PIR: variants seen among roughly 807,000 people sequenced by gnomAD.
PIR encodes the protein pirin, also known as pirin (iron-binding nuclear protein).
A neutral mutation model predicts 24.2 loss-of-function variants in PIR; 22 were observed. The ratio of observed to expected loss-of-function variants is 0.91; its 90% CI spans 0.65 to 1.30. PIR has a LOEUF of 1.30. PIR is among the 50% of genes most tolerant of loss of function. PIR has a pLI of 0.00. For missense variants in PIR, 220 were observed against 220.3 expected (o/e 1.00, Z 0.01); for synonymous variants, 80 against 79.6 (o/e 1.00, Z -0.03).
At chrX:15,460,617 C>T (rs764730708) in intron 3 of PIR, among the ~76,000 whole-genome samples, 1 of 111,219 alleles carries the variant, frequency 9.0e-6, no homozygotes, top group Non-Finnish European at 1.9e-5. Flanking sequence ...TGAATATGTT[C>T]TGAAGACCTA....
intron 5 of PIR, among the ~76,000 whole-genome samples, chrX:15,438,315 G>C (rs1258333707): frequency 8.9e-6 from 1 of 112,243 alleles, no homozygotes; most frequent in Non-Finnish European, 1.9e-5. Flanking sequence ...TTTTCCTTTT[G>C]AACGCTTCAA....
intron 5 of PIR, among the ~76,000 whole-genome samples, chrX:15,440,913 A>C (rs185514535): frequency 2.5e-3 from 278 of 111,921 alleles, no homozygotes; most frequent in African/African-American, 7.7e-3. Flanking sequence ...GAACTGAGCA[A>C]GTACATCAAT....
intron 9 of PIR, among the ~76,000 whole-genome samples, chrX:15,385,384 G>C (rs1220843046): frequency 9.0e-6 from 1 of 111,727 alleles, no homozygotes; most frequent in African/African-American, 3.3e-5. Context: ...CACCAGCAAT[G>C]GTGATCTTTT....
At position 15,421,900 on chromosome X, in the gene PIR, T is replaced by C. The variant is rs753523539; in HGVS notation, c.565+4006A>G. ...ATAGATGCAAAAACTCTCAACAAAA[T>C]ACTAGCAAACTGAATTCAACAGCAC... On this transcript the variant is annotated intron_variant, in intron 6 of 9. Transcript: ENST00000380420. 6.3e-5 allele frequency among the ~76,000 whole-genome samples: 7 copies of C among 111,352 alleles called. No individual in the cohort carries two copies. In the East Asian group the frequency reaches 1.7e-3, roughly 27 times the overall value.
intron 5 of PIR, among the ~76,000 whole-genome samples, chrX:15,427,098 G>C (rs763996493): frequency 8.9e-6 from 1 of 111,948 alleles, no homozygotes; most frequent in Admixed American, 9.5e-5. Context: ...ATAATATTGA[G>C]CAAATGAAGA....
At chrX:15,458,309 C>T (rs1921162509) in intron 4 of PIR, among the ~76,000 whole-genome samples, 1 of 111,430 alleles carries the variant, frequency 9.0e-6, no homozygotes, top group African/African-American at 3.3e-5. Context: ...CTTTAAATCC[C>T]CATTTCCTCA....
At chrX:15,416,417 C>A (rs754639045) in intron 6 of PIR, among the ~76,000 whole-genome samples, 18 of 111,746 alleles carry the variant, frequency 1.6e-4, no homozygotes, top group Non-Finnish European at 3.0e-4. Context: ...TGGAAAAAAT[C>A]ACTACGCATT....
In PIR at chrX:15,397,009, C is replaced by T. The variant is rs146565466; in HGVS notation, c.693+440G>A. 7.4e-3 allele frequency among the ~76,000 whole-genome samples: 828 copies of T among 112,143 alleles called. 9 individuals carry two copies. The highest frequency in any genetic ancestry group is 0.025 in the African/African-American group (758 of 30,891). On this transcript the variant is annotated intron_variant, in intron 8 of 9. Coordinates refer to ENST00000380420, the MANE Select transcript of PIR (RefSeq NM_001018109.3). ...CCCGCCTCGGCCTCCCAAAGTGCTG[C>T]GATTACAGGCGTGAGCCACCACGCC... is the stretch of plus-strand genomic sequence containing the variant.
intron 5 of PIR, among the ~76,000 whole-genome samples, chrX:15,448,148 T>C (rs774180137): frequency 8.9e-6 from 1 of 112,387 alleles, no homozygotes; most frequent in East Asian, 2.8e-4. Flanking sequence ...GTGAGTGGGC[T>C]GCCCTGGGCA....
intron 6 of PIR, among the ~76,000 whole-genome samples, chrX:15,416,490 C>T (rs781545788): frequency 9.0e-6 from 1 of 111,689 alleles, no homozygotes; most frequent in South Asian, 3.8e-4. Flanking sequence ...AAAATCACTA[C>T]TTGTTTTCGA....
At chrX:15,487,282 T>C (rs1922886854) in intron 2 of PIR, among the ~76,000 whole-genome samples, 1 of 111,778 alleles carries the variant, frequency 8.9e-6, no homozygotes, top group Admixed American at 9.5e-5. Context: ...TCAAGGCTAT[T>C]TGATGATATT....
intron 5 of PIR, among the ~76,000 whole-genome samples, chrX:15,438,664 G>C (rs1925822170): frequency 9.0e-6 from 1 of 111,597 alleles, no homozygotes. Flanking sequence ...AGACCTGTAG[G>C]TGCCATCATT....
rs374721931 is a variant in PIR at position 15,461,118 on chromosome X, G to A, written c.190-1378C>T. Among the ~76,000 whole-genome samples the A allele has an allele frequency of 3.5e-4, 39 of 111,722 alleles. No homozygotes were observed. The East Asian group carries it at 4.0e-3, about 11-fold the overall frequency. On this transcript the variant is annotated intron_variant, in intron 3 of 9. Coordinates refer to ENST00000380420, the MANE Select transcript of PIR (RefSeq NM_001018109.3). The stretch of plus-strand genomic sequence containing the variant: ...AGCCGCCACTCACCCCTTCAGCCCA[G>A]CAGATGATGGTCCTGGCATGGTGGG...
intron 6 of PIR, among the ~76,000 whole-genome samples, chrX:15,420,984 G>A (rs570196680): frequency 2.7e-5 from 3 of 111,878 alleles, no homozygotes; most frequent in African/African-American, 6.5e-5. Flanking sequence ...GCATATATGT[G>A]AATGCACATA....
intron 9 of PIR, among the ~76,000 whole-genome samples, chrX:15,388,887 G>A (rs921265144): frequency 4.5e-5 from 5 of 112,019 alleles, no homozygotes; most frequent in Non-Finnish European, 1.9e-5. Context: ...AAAATGCTTT[G>A]CTTCTCAGTA....
At chrX:15,421,925 C>T (rs1413779551) in intron 6 of PIR, among the ~76,000 whole-genome samples, 1 of 111,651 alleles carries the variant, frequency 9.0e-6, no homozygotes, top group Admixed American at 9.5e-5. Flanking sequence ...TTCAACAGCA[C>T]CTTAAAATGA....
At chrX:15,442,755 C>T (rs1362637196) in intron 5 of PIR, among the ~76,000 whole-genome samples, 1 of 112,322 alleles carries the variant, frequency 8.9e-6, no homozygotes, top group Admixed American at 9.4e-5. Flanking sequence ...AGAGCAAGAC[C>T]TTAACTCTCT....
chrX:15,469,287 C>A (rs1407161332), intron 3 of PIR, among the ~76,000 whole-genome samples: 4 of 111,749 alleles, frequency 3.6e-5, no homozygotes, highest in African/African-American at 1.3e-4. Context: ...AAATTTATCT[C>A]TAGGAAAAGG....
At chrX:15,391,789 T>C (rs1923968626) in intron 8 of PIR, among the ~76,000 whole-genome samples, 1 of 111,708 alleles carries the variant, frequency 9.0e-6, no homozygotes, top group Non-Finnish European at 1.9e-5. Context: ...CCAGCTCTTC[T>C]TCCTGACTGC....
Sources: gnomAD v4.1 joint callset for allele counts (sites outside exome capture counted in the v4.1 genomes callset) on GRCh38, gnomAD v4.1.1 for gene constraint, MANE v1.5 for transcripts, NCBI Gene and HGNC (gene_info 2026-07-23, HGNC 2026-07-21) for gene names.